The following RBM47 variants were observed in gnomAD, a reference collection of about 807,000 sequenced individuals.
RBM47 encodes RNA binding motif protein 47.
A neutral mutation model predicts 47.1 loss-of-function variants in RBM47; 21 were observed. That is an observed-to-expected ratio of 0.45 (90% CI 0.32 to 0.64). The LOEUF (loss-of-function observed/expected upper bound fraction) is 0.64, where lower values mean the gene tolerates loss of function less well. Among genes scored for constraint, RBM47 ranks in the 30% least tolerant of loss-of-function variants. RBM47 has a pLI of 0.05. For missense variants in RBM47, 708 were observed against 870.9 expected, an observed-to-expected ratio of 0.81 and a Z score of 2.35; for synonymous variants, 375 against 361.7, an observed-to-expected ratio of 1.04 and a Z score of -0.42.
intron 2 of RBM47, among the ~76,000 whole-genome samples, chr4:40,490,392 A>T (rs555730920): frequency 6.6e-6 from 1 of 152,318 alleles, no homozygotes; most frequent in African/African-American, 2.4e-5. Flanking sequence ...AAACCTAAGG[A>T]ATCCATTAAA....
rs1396511552 is a variant in RBM47 at position 40,440,132 on chromosome 4, G to A, written c.-31-1208C>T. Among the ~76,000 whole-genome samples the A allele has an allele frequency of 3.9e-5, 6 of 152,064 alleles. 1 individual carries two copies. Among genetic ancestry groups the A allele is most frequent in the Admixed American group, 2.0e-4 (3 of 15,266 alleles). The stretch of plus-strand genomic sequence containing the variant: ...CTTCTGTAATGAAAGGCTCCAATTC[G>A]CCTTTTAAAAAATGAAATCTATTTC... On this transcript the variant is annotated intron_variant, in intron 3 of 6. Coordinates refer to ENST00000295971, the MANE Select transcript of RBM47 (RefSeq NM_001098634.2).
rs1300269826 is a variant in RBM47, at chr4:40,571,634, T to TG, written c.-239-27129dup. 2.0e-5 allele frequency among the ~76,000 whole-genome samples: 3 copies of TG among 151,626 alleles called. No homozygotes were observed. The East Asian group carries it at 5.8e-4, about 29-fold the overall frequency. ...TTTTTTTTAAAAAATACAAACCAGGTGGGAGGAGGGTGCGGGATAAAAGAC... is the reference window on the plus strand; with the variant it reads ...TTTTTTTTAAAAAATACAAACCAGGTGGGGAGGAGGGTGCGGGATAAAAGAC... On this transcript the variant is annotated intron_variant, in intron 1 of 6. Transcript: ENST00000295971.
chr4:40,605,552 C>T (rs1289147372), intron 1 of RBM47, among the ~76,000 whole-genome samples: 6 of 151,916 alleles, frequency 3.9e-5, no homozygotes, highest in Non-Finnish European at 5.9e-5. Context: ...GGTCTTCGGC[C>T]GGGCACGGTG....
chr4:40,471,396 G>A (rs766783721), intron 2 of RBM47, among the ~76,000 whole-genome samples: 10 of 151,994 alleles, frequency 6.6e-5, no homozygotes, highest in Non-Finnish European at 1.0e-4. Flanking sequence ...CAAAGGGACC[G>A]TTTAAAAAAT....
At chr4:40,604,431 C>T (rs1214978211) in intron 1 of RBM47, among the ~76,000 whole-genome samples, 4 of 152,098 alleles carry the variant, frequency 2.6e-5, no homozygotes, top group African/African-American at 9.7e-5. Flanking sequence ...TTAAAACCAG[C>T]CTGGGCAACA....
chr4:40,462,575 C>T (rs970502462), intron 3 of RBM47, among the ~76,000 whole-genome samples: 1 of 152,126 alleles, frequency 6.6e-6, no homozygotes, highest in Non-Finnish European at 1.5e-5. Context: ...CTGCTGTATC[C>T]TAGTTACATG....
At chr4:40,627,718 C>A (rs911655470) in intron 1 of RBM47, among the ~76,000 whole-genome samples, 1 of 152,160 alleles carries the variant, frequency 6.6e-6, no homozygotes, top group Non-Finnish European at 1.5e-5. Context: ...GTCTTTAACA[C>A]TAGTTAGAGC....
At chr4:40,508,820 G>A (rs1278710461) in intron 2 of RBM47, among the ~76,000 whole-genome samples, 1 of 152,152 alleles carries the variant, frequency 6.6e-6, no homozygotes, top group African/African-American at 2.4e-5. Context: ...CCTAACAGTC[G>A]TGCAGTTTAC....
chr4:40,558,416 C>A (rs918767260), intron 1 of RBM47, among the ~76,000 whole-genome samples: 2 of 151,672 alleles, frequency 1.3e-5, no homozygotes, highest in African/African-American at 4.8e-5. Context: ...TGGTGGCTCA[C>A]GCCTGTAATC....
At chr4:40,554,862 A>C (rs1577949095) in intron 1 of RBM47, among the ~76,000 whole-genome samples, 1 of 151,752 alleles carries the variant, frequency 6.6e-6, no homozygotes, top group East Asian at 1.9e-4. Context: ...CCAGGGTTCA[A>C]GTGATTCTCC....
At chr4:40,549,012 AC>A (rs1729286490) in intron 1 of RBM47, among the ~76,000 whole-genome samples, 1 of 151,640 alleles carries the variant, frequency 6.6e-6, no homozygotes, top group Admixed American at 6.6e-5. Context: ...TTCTTAAGAA[AC>A]TTTTAATTTC....
In RBM47 at chr4:40,497,479, G is replaced by A. The variant is rs367829342; in HGVS notation, c.-154-30780C>T. Among the ~76,000 whole-genome samples the A allele has an allele frequency of 4.6e-5, 7 of 151,642 alleles. No individual in the cohort carries two copies. In the East Asian group the frequency reaches 9.8e-4, roughly 21 times the overall value. ...TCAAAAAATTAAAAATGAGTTGAGC[G>A]TGGTAGTGTGTGGTCTGTAGTTCCA... On this transcript the variant is annotated intron_variant, in intron 2 of 6. Transcript: ENST00000295971.
At chr4:40,528,405 T>A (rs10938198) in intron 2 of RBM47, among the ~76,000 whole-genome samples, 53,041 of 147,486 alleles carry the variant, frequency 0.36, 10,718 homozygotes, top group African/African-American at 0.55. Context: ...GAGGCTTTTT[T>A]AAAAAAAAAA....
intron 1 of RBM47, among the ~76,000 whole-genome samples, chr4:40,593,936 G>C (rs1384354716): frequency 1.3e-5 from 2 of 150,296 alleles, no homozygotes; most frequent in Non-Finnish European, 2.9e-5. Context: ...TGTAATCCCA[G>C]CTACTCAGGA....
chr4:40,604,444 G>C (rs183717736), intron 1 of RBM47, among the ~76,000 whole-genome samples: 1 of 152,086 alleles, frequency 6.6e-6, no homozygotes, highest in Non-Finnish European at 1.5e-5. Flanking sequence ...GGGCAACATA[G>C]CAAAACTCCA....
In RBM47 at chr4:40,628,441, T is replaced by TA. The variant is rs140958807; in HGVS notation, c.-240+954_-240+955insT. Among the ~76,000 whole-genome samples the TA allele has an allele frequency of 1.4e-4, 22 of 152,324 alleles. No individual in the cohort carries two copies. In the East Asian group the frequency reaches 3.9e-3, roughly 27 times the overall value. ...TGTGTGTTACGCCGCTGACCACCTT[T>TA]CACCTTTTAGAATCGGCACCTGCAA... On this transcript the variant is annotated intron_variant, in intron 1 of 6. Coordinates refer to ENST00000295971, the MANE Select transcript of RBM47 (RefSeq NM_001098634.2). The surrounding 1 kb of genome is among the most constrained non-coding windows in gnomAD (Gnocchi z 4.0).
chr4:40,557,348 G>A (rs376735051), intron 1 of RBM47, among the ~76,000 whole-genome samples: 10 of 152,262 alleles, frequency 6.6e-5, no homozygotes, highest in African/African-American at 1.2e-4. Flanking sequence ...CTGACTGGCT[G>A]TTCCTACTAG....
In RBM47 at chr4:40,438,753, C is replaced by T. The variant is rs1414783247; in HGVS notation, c.141G>A (p.Val47=). Residue 47 remains valine (V), a synonymous_variant, in exon 4 of 7, where the codon GTG becomes GTA. Transcript: ENST00000295971. ...ALMERTGYSM[V]QENGQRKYGG... is the part of the protein sequence containing the mutation. ...CGTACTTGCGCTGCCCGTTCTCTTG[C>T]ACCATGCTGTAGCCCGTGCGCTCCA... The T allele has an allele frequency of 6.3e-7, 1 of 1,593,328 alleles. No individual in the cohort carries two copies. Among genetic ancestry groups the T allele is most frequent in the East Asian group, 2.3e-5 (1 of 44,138 alleles).
intron 1 of RBM47, among the ~76,000 whole-genome samples, chr4:40,612,048 C>A (rs7659100): frequency 0.74 from 111,981 of 152,084 alleles, 41,539 homozygotes; most frequent in African/African-American, 0.77. Flanking sequence ...GGGTCAAGAG[C>A]GTTGGAATGA....
Sources: gnomAD v4.1 joint callset for allele counts (sites outside exome capture counted in the v4.1 genomes callset) on GRCh38, gnomAD v4.1.1 for gene constraint, Gnocchi (gnomAD v3.1) non-coding constraint, MANE v1.5 for transcripts, NCBI Gene and HGNC (gene_info 2026-07-23, HGNC 2026-07-21) for gene names.